HDAC7: variants seen among roughly 807,000 people sequenced by gnomAD.
HDAC7 encodes histone deacetylase 7.
A neutral mutation model predicts 115.5 loss-of-function variants in HDAC7; 26 were observed. The ratio of observed to expected loss-of-function variants is 0.23; its 90% CI spans 0.16 to 0.31. HDAC7 has a LOEUF of 0.31. Ranked by LOEUF, HDAC7 falls within the 10% of genes least tolerant of loss-of-function variation. The pLI, the probability that HDAC7 is intolerant of heterozygous loss-of-function variation, is 1.00. For synonymous variants in HDAC7, 564 were observed against 550.9 expected (o/e 1.02, Z -0.33); for missense variants, 1,068 against 1,329.0 (o/e 0.80, Z 3.05).
At chr12:47,789,408 C>A (rs1438779305) in intron 18 of HDAC7, 60 bp from the exon 19 acceptor site, 1 of 1,572,776 alleles carries the variant, frequency 6.4e-7, no homozygotes, top group Admixed American at 1.7e-5. Context: ...CCTCCCCAGG[C>A]CCCTGGGTTG....
intron 16 of HDAC7, chr12:47,790,937 C>T (rs1943460436): frequency 2.2e-6 from 1 of 456,414 alleles, no homozygotes; most frequent in South Asian, 2.7e-5. Flanking sequence ...GGCCAATGCC[C>T]AGTCATGGGG....
At chr12:47,815,830 C>T (rs1203455710) in intron 1 of HDAC7, among the ~76,000 whole-genome samples, 4 of 151,502 alleles carry the variant, frequency 2.6e-5, no homozygotes, top group Admixed American at 1.3e-4. Flanking sequence ...AGGCTCGTCT[C>T]GAACTCCTGC....
chr12:47,791,396 G>C (rs539556404), intron 15 of HDAC7, 88 bp from the exon 16 acceptor site: 2 of 1,415,960 alleles, frequency 1.4e-6, no homozygotes, highest in Admixed American at 4.6e-5. Context: ...GCAGGGCCGG[G>C]TGAGTATTGG....
chr12:47,786,630 C>T lies in HDAC7; in HGVS notation c.2527G>A (p.Glu843Lys). 6.2e-7 allele frequency: 1 copy of T among 1,614,098 alleles called. No homozygotes were observed. Among genetic ancestry groups the T allele is most frequent in the East Asian group, 2.2e-5 (1 of 44,890 alleles). Residue 843 changes from glutamate (E) to lysine (K), a missense_variant, in exon 22 of 26, where the codon GAG becomes AAG. By Grantham distance (56) the Glu-to-Lys change is moderately conservative. Coordinates refer to ENST00000080059, the MANE Select transcript of HDAC7 (RefSeq NM_015401.5). The part of the protein sequence containing the change: ...VLVSAGFDAA[E>K]GHPAPLGGYH... ...CCACCCAGTGGGGCCGGGTGACCCT[C>T]AGCAGCATCAAATCCAGCAGACACC...
Position 47,796,064 on chromosome 12 carries a change from C to A in HDAC7, c.796-48G>T, listed in dbSNP as rs759743104. 8 of 1,536,630 alleles carry A rather than the reference C, an allele frequency of 5.2e-6. No individual in the cohort carries two copies. The African/African-American group carries it at 8.2e-5, about 16-fold the overall frequency. ...GGTCACCGGTCCCAGACCTCTACCC[C>A]GGCGCACCTTCCCCAGAACACCCAG... On this transcript the variant is annotated intron_variant, in intron 8 of 25. Transcript: ENST00000080059.
In HDAC7 at chr12:47,785,388, G is replaced by A. The variant is rs1241877444; in HGVS notation, c.2790C>T (p.His930=). 1 of 1,607,608 alleles carries A rather than the reference G, an allele frequency of 6.2e-7. No homozygotes were observed. The highest frequency in any genetic ancestry group is 8.5e-7 in the Non-Finnish European group (1 of 1,177,136). The change falls in exon 24 of 26, where the codon CAC becomes CAT. Residue 930 remains histidine, a splice_region_variant and synonymous_variant. Transcript: ENST00000080059. ...CGAGTGTCCCATCTCCACACTTACT[G>A]TGCACCCGGATCACGGCCTCCAGAG... ...IRSLEAVIRV[H]SKYWGCMQRL...
rs770946619 is a variant in HDAC7, at chr12:47,797,354, C to T, written c.577+30G>A. 11 of 1,600,714 alleles carry T rather than the reference C, an allele frequency of 6.9e-6. No homozygotes were observed. The highest frequency in any genetic ancestry group is 8.6e-6 in the Non-Finnish European group (10 of 1,168,456). On this transcript the variant is annotated intron_variant, in intron 6 of 25. Coordinates refer to ENST00000080059, the MANE Select transcript of HDAC7 (RefSeq NM_015401.5). The surrounding 1 kb of genome is among the most constrained non-coding windows in gnomAD (Gnocchi z 5.5). The stretch of plus-strand genomic sequence containing the variant: ...CCGAGGCCCTTCCCCCTTCCTTTGC[C>T]TGAAAGGTCCGCCTGTTTGTTCAGC...
rs1265833977 is a variant in HDAC7 at position 47,789,552 on chromosome 12, T to C, written c.2118A>G (p.Pro706=). The C allele has an allele frequency of 6.2e-7, 1 of 1,614,194 alleles. No individual in the cohort carries two copies. Among genetic ancestry groups the C allele is most frequent in the South Asian group, 1.1e-5 (1 of 91,082 alleles). Residue 706 remains proline, a synonymous_variant, in exon 18 of 26, where the codon CCA becomes CCG. Transcript: ENST00000080059. ...LKNGFAVVRP[P]GHHADHSTAM... ...CTGTTGAATGATCTGCATGGTGTCC[T>C]GGGGGCCGCACCACAGCGAAACCAT...
chr12:47,789,032 C>A, intron 19 of HDAC7: 1 of 538,352 alleles, frequency 1.9e-6, no homozygotes. Context: ...ATGACAGCTC[C>A]TACTCGTTGC....
In HDAC7 at chr12:47,791,396, G is replaced by A. The variant is rs539556404; in HGVS notation, c.1934-88C>T. On this transcript the variant is annotated intron_variant, in intron 15 of 25. Coordinates refer to ENST00000080059, the MANE Select transcript of HDAC7 (RefSeq NM_015401.5). ...CAGGGAGCCCAGAGAGCAGGGCCGG[G>A]TGAGTATTGGGGGAGAGAAATATGG... 1.5e-5 allele frequency: 21 copies of A among 1,415,960 alleles called. No homozygotes were observed. In the African/African-American group the frequency reaches 2.4e-4, roughly 16 times the overall value. The allele number at this position is 1,415,960 out of a possible 1,614,324, so 87.7% of individuals were successfully genotyped here. A position where few individuals can be genotyped will look rare whatever the true frequency, so the allele number is the denominator to read the frequency against.
intron 8 of HDAC7, 33 bp downstream of exon 8, chr12:47,796,173 GC>G: frequency 6.3e-7 from 1 of 1,579,732 alleles, no homozygotes. Context: ...CCTCAGAACT[GC>G]CCCAGGAGAG....
In HDAC7 at chr12:47,787,350, C is replaced by T. The variant is rs978404282; in HGVS notation, c.2453+362G>A. On this transcript the variant is annotated intron_variant, in intron 21 of 25. Transcript: ENST00000080059. ...TCCAGGAACTCCAGCCCAGGGCTCT[C>T]GTAGAATTAGCTGTCATGGAGATAA... Among the ~76,000 whole-genome samples, 9 of 151,830 alleles carry T rather than the reference C, an allele frequency of 5.9e-5. No homozygotes were observed. The South Asian group carries it at 8.3e-4, about 14-fold the overall frequency.
Position 47,803,788 on chromosome 12 carries a change from T to C in HDAC7, c.20-1514A>G, listed in dbSNP as rs1944275095. 6.6e-6 allele frequency among the ~76,000 whole-genome samples: 1 copy of C among 152,162 alleles called. No homozygotes were observed. On this transcript the variant is annotated intron_variant, in intron 1 of 25. Coordinates refer to ENST00000080059, the MANE Select transcript of HDAC7 (RefSeq NM_015401.5). The surrounding 1 kb of genome is among the most constrained non-coding windows in gnomAD (Gnocchi z 4.0). ...ACCTGCCTGAGACACAGCATGCATA[T>C]TTCTCAAGGTGGTGGGCCTCAGAGG...
In HDAC7 at chr12:47,785,218, C is replaced by A. The variant is rs143545527; in HGVS notation, c.2791+169G>T. ...GGGGGGCTCAGAGGATAACCCCTCA[C>A]TGGGGGGTGCTCACCATTGCTGCCT... On this transcript the variant is annotated intron_variant, in intron 24 of 25. Coordinates refer to ENST00000080059, the MANE Select transcript of HDAC7 (RefSeq NM_015401.5). The A allele has an allele frequency of 1.4e-4, 87 of 641,370 alleles. No homozygotes were observed. In the African/African-American group the frequency reaches 1.5e-3, roughly 11 times the overall value. The allele number at this position is 641,370 out of a possible 1,614,324, so 39.7% of individuals were successfully genotyped here. A position where few individuals can be genotyped will look rare whatever the true frequency, so the allele number is the denominator to read the frequency against.
At position 47,789,927 on chromosome 12, in the gene HDAC7, G is replaced by C. The variant is rs765834885; in HGVS notation, c.1984-7C>G. 5 of 1,603,406 alleles carry C rather than the reference G, an allele frequency of 3.1e-6. No individual in the cohort carries two copies. In the Admixed American group the frequency reaches 8.3e-5, roughly 27 times the overall value. The stretch of plus-strand genomic sequence containing the variant: ...AGATGGTGTCAGTGTCCACCTGCGG[G>C]AGCCAGAGTCAGGGCCCGCATCATC... On this transcript the variant is annotated splice_polypyrimidine_tract_variant and splice_region_variant and intron_variant, in intron 16 of 25. Coordinates refer to ENST00000080059, the MANE Select transcript of HDAC7 (RefSeq NM_015401.5).
chr12:47,804,860 C>G (rs1944327246), intron 1 of HDAC7, among the ~76,000 whole-genome samples: 1 of 152,144 alleles, frequency 6.6e-6, no homozygotes, highest in South Asian at 2.1e-4. Context: ...CTCCCTACTG[C>G]TCCTACCTTA....
chr12:47,795,090 A>C lies in HDAC7; in HGVS notation c.1284+94T>G, dbSNP rs1192146779. 7.5e-7 allele frequency: 1 copy of C among 1,337,904 alleles called. No individual in the cohort carries two copies. Among genetic ancestry groups the C allele is most frequent in the Admixed American group, 2.0e-5 (1 of 51,012 alleles). The allele number at this position is 1,337,904 out of a possible 1,614,324, so 82.9% of individuals were successfully genotyped here. On this transcript the variant is annotated intron_variant, in intron 11 of 25. Transcript: ENST00000080059. The surrounding 1 kb of genome is among the most constrained non-coding windows in gnomAD (Gnocchi z 4.3). The stretch of plus-strand genomic sequence containing the variant: ...GCCACATCCCCCTCTTTTGCCCTCC[A>C]GTTCCCTGCCCTTTCTAAGTACCCC...
At position 47,798,920 on chromosome 12, in the gene HDAC7, G is replaced by A; in HGVS notation, c.123C>T (p.Asp41=). 6.5e-7 allele frequency: 1 copy of A among 1,530,310 alleles called. No homozygotes were observed. Among genetic ancestry groups the A allele is most frequent in the Non-Finnish European group, 8.7e-7 (1 of 1,143,686 alleles). 94.8% of individuals were successfully genotyped at this position (1,530,310 alleles called of 1,614,324 possible). The change falls in exon 3 of 26, where the codon GAC becomes GAT. Residue 41 remains aspartate, a synonymous_variant. Coordinates refer to ENST00000080059, the MANE Select transcript of HDAC7 (RefSeq NM_015401.5). This position sits in a 1 kb window ranked among gnomAD's most constrained non-coding sequence, Gnocchi z 4.3. ...DTPGPQPQPM[D]LRVGQRPPVE... ...CTGGGGGCCGCTGGCCCACCCGCAG[G>A]TCCATGGGCTGCGGCTGAGGGCCTG... is the stretch of plus-strand genomic sequence containing the variant.
chr12:47,799,907 G>C (rs1011127125), intron 2 of HDAC7, among the ~76,000 whole-genome samples: 1 of 152,228 alleles, frequency 6.6e-6, no homozygotes, highest in African/African-American at 2.4e-5. Context: ...GTAGGAGCAG[G>C]CCGGCCCCAT....
Sources: gnomAD v4.1 joint callset for allele counts (sites outside exome capture counted in the v4.1 genomes callset) on GRCh38, gnomAD v4.1.1 for gene constraint, Gnocchi (gnomAD v3.1) non-coding constraint, MANE v1.5 for transcripts, NCBI Gene and HGNC (gene_info 2026-07-23, HGNC 2026-07-21) for gene names.